The following ATP2C1 variants were observed in gnomAD, a reference collection of about 807,000 sequenced individuals.
ATP2C1 encodes the protein ATPase secretory pathway Ca2+ transporting 1, also known as calcium-transporting ATPase type 2C member 1.
Under a neutral mutation model 120.5 loss-of-function variants are expected in ATP2C1, and 31 were observed. That is an observed-to-expected ratio of 0.26 (90% CI 0.19 to 0.35). The LOEUF (loss-of-function observed/expected upper bound fraction) is 0.35. Among genes scored for constraint, ATP2C1 ranks in the 10% least tolerant of loss-of-function variants. The pLI, the probability that ATP2C1 is intolerant of heterozygous loss-of-function variation, is 1.00. For synonymous variants in ATP2C1, 351 were observed against 358.7 expected (o/e 0.98, Z 0.24); for missense variants, 731 against 1,107.5 (o/e 0.66, Z 4.83).
chr3:130,898,799 T>A (rs758552047), intron 2 of ATP2C1, among the ~76,000 whole-genome samples: 9 of 152,148 alleles, frequency 5.9e-5, no homozygotes, highest in Non-Finnish European at 8.8e-5. Context: ...ATTTTGGAGA[T>A]CTTAGTTAGC....
chr3:130,972,021 A>G (rs2061337805), intron 17 of ATP2C1, among the ~76,000 whole-genome samples: 1 of 152,158 alleles, frequency 6.6e-6, no homozygotes. Flanking sequence ...CCTTTTTGGC[A>G]CCAGGGACTG....
chr3:130,904,402 G>A (rs1180641383), intron 2 of ATP2C1, among the ~76,000 whole-genome samples: 1 of 151,634 alleles, frequency 6.6e-6, no homozygotes, highest in Non-Finnish European at 1.5e-5. Flanking sequence ...AGTACTGTTA[G>A]TTATTTTTTA....
chr3:130,967,101 T>G, intron 14 of ATP2C1, 44 bp from the exon 15 acceptor site: 1 of 1,413,366 alleles, frequency 7.1e-7, no homozygotes, highest in Non-Finnish European at 1.0e-6. Context: ...CACCACCAAG[T>G]GTTTGTAGTG....
intron 1 of ATP2C1, among the ~76,000 whole-genome samples, chr3:130,858,895 G>A (rs1040531979): frequency 1.3e-5 from 2 of 152,130 alleles, no homozygotes; most frequent in African/African-American, 4.8e-5. Flanking sequence ...AGGTTCCGGA[G>A]GAAATAACCA....
chr3:130,963,550 G>A (rs2060920007), intron 12 of ATP2C1: 1 of 207,442 alleles, frequency 4.8e-6, no homozygotes, highest in Non-Finnish European at 9.9e-6. Context: ...ACATTTATCA[G>A]TTGATGAATA....
intron 17 of ATP2C1, among the ~76,000 whole-genome samples, chr3:130,972,761 A>G (rs1482912282): frequency 6.6e-6 from 1 of 151,670 alleles, no homozygotes; most frequent in East Asian, 1.9e-4. Context: ...GATGATTTCC[A>G]GTTTCATCCA....
intron 2 of ATP2C1, among the ~76,000 whole-genome samples, chr3:130,921,218 A>C (rs986913003): frequency 6.7e-6 from 1 of 150,164 alleles, no homozygotes; most frequent in African/African-American, 2.5e-5. Context: ...AGTAGCTGGG[A>C]TTATAGGTGC....
chr3:130,944,056 G>A (rs918098292), intron 8 of ATP2C1, among the ~76,000 whole-genome samples: 1 of 152,218 alleles, frequency 6.6e-6, no homozygotes, highest in Non-Finnish European at 1.5e-5. Flanking sequence ...TCCTTAGTCA[G>A]CTTTGGGATA....
chr3:130,876,988 C>T (rs769387554), intron 1 of ATP2C1, among the ~76,000 whole-genome samples: 31 of 152,148 alleles, frequency 2.0e-4, no homozygotes, highest in African/African-American at 3.4e-4. Flanking sequence ...TTTGTTTATT[C>T]GTTCTAAAAG....
At chr3:130,981,588 C>G (rs1414003132) in intron 20 of ATP2C1, among the ~76,000 whole-genome samples, 1 of 151,992 alleles carries the variant, frequency 6.6e-6, no homozygotes, top group Non-Finnish European at 1.5e-5. Flanking sequence ...TGAGTAATTG[C>G]TGGGTCATAC....
intron 2 of ATP2C1, among the ~76,000 whole-genome samples, chr3:130,923,347 C>T (rs2059052834): frequency 2.0e-5 from 3 of 152,010 alleles, no homozygotes; most frequent in African/African-American, 7.2e-5. Context: ...CTGCCTCAGC[C>T]TCCCGAGTAG....
At chr3:130,951,807 T>C (rs1319152417) in intron 8 of ATP2C1, among the ~76,000 whole-genome samples, 1 of 152,194 alleles carries the variant, frequency 6.6e-6, no homozygotes, top group Non-Finnish European at 1.5e-5. Flanking sequence ...GAATAATTTT[T>C]GTAAGCTTAT....
At chr3:130,883,746 C>T (rs533705451) in intron 1 of ATP2C1, among the ~76,000 whole-genome samples, 15 of 151,940 alleles carry the variant, frequency 9.9e-5, no homozygotes, top group African/African-American at 2.2e-4. Flanking sequence ...TGTGAGCTGC[C>T]GCACCCAACC....
At chr3:130,871,172 C>A (rs1244153977) in intron 1 of ATP2C1, among the ~76,000 whole-genome samples, 1 of 152,198 alleles carries the variant, frequency 6.6e-6, no homozygotes, top group Non-Finnish European at 1.5e-5. Flanking sequence ...ATTTTGTATG[C>A]ACTGGGAAAC....
At chr3:130,876,192 AT>A in intron 1 of ATP2C1, among the ~76,000 whole-genome samples, 1 of 151,698 alleles carries the variant, frequency 6.6e-6, no homozygotes, top group East Asian at 1.9e-4. Context: ...TACCCATAAA[AT>A]TTTTTCCTAG....
intron 1 of ATP2C1, chr3:130,855,978 G>A (rs531975284): frequency 4.6e-5 from 7 of 150,840 alleles, no homozygotes; most frequent in Admixed American, 2.0e-4. Context: ...CTTGAACAGA[G>A]ATTTTTTTTT....
At chr3:130,981,508 G>A (rs559334360) in intron 20 of ATP2C1, among the ~76,000 whole-genome samples, 1 of 152,094 alleles carries the variant, frequency 6.6e-6, no homozygotes, top group South Asian at 2.1e-4. Flanking sequence ...TTGTGTACAG[G>A]CTTTTGCAGT....
intron 17 of ATP2C1, among the ~76,000 whole-genome samples, chr3:130,971,501 A>G (rs2061315621): frequency 6.6e-6 from 1 of 152,066 alleles, no homozygotes; most frequent in African/African-American, 2.4e-5. Context: ...TCAGTGGCTC[A>G]GATAGTTTGC....
At chr3:130,999,173 A>C (rs1003072975) in intron 26 of ATP2C1, among the ~76,000 whole-genome samples, 4 of 152,220 alleles carry the variant, frequency 2.6e-5, no homozygotes, top group African/African-American at 9.6e-5. Flanking sequence ...ATTTTAGATT[A>C]TCTACCTTAG....
Sources: allele counts gnomAD v4.1 joint callset (sites outside exome capture counted in the v4.1 genomes callset), GRCh38; gene constraint gnomAD v4.1.1; transcripts MANE v1.5; gene names NCBI Gene and HGNC (gene_info 2026-07-23, HGNC 2026-07-21).